Variants in TENM4 observed in about 807,000 individuals in gnomAD.
TENM4 encodes the protein teneurin-4.
TENM4 carries 82 observed loss-of-function variants against 243.3 expected under a neutral mutation model. The observed-to-expected ratio is 0.34, with a 90% CI of 0.28 to 0.40. The LOEUF (loss-of-function observed/expected upper bound fraction) is 0.40, where lower values mean the gene tolerates loss of function less well. TENM4 is among the 10% of genes least tolerant of loss of function. The pLI, the probability that TENM4 is intolerant of heterozygous loss-of-function variation, is 1.00. For synonymous variants in TENM4, 1,412 were observed against 1,456.3 expected (o/e 0.97, Z 0.69); for missense variants, 3,138 against 3,673.3 (o/e 0.85, Z 3.77).
intron 3 of TENM4, among the ~76,000 whole-genome samples, chr11:79,174,468 C>T (rs1863116742): frequency 1.3e-5 from 2 of 152,152 alleles, no homozygotes. Context: ...GATGCCTGTG[C>T]TTACAGCTAC....
chr11:79,083,731 C>T (rs567190389), intron 4 of TENM4, among the ~76,000 whole-genome samples: 1 of 152,314 alleles, frequency 6.6e-6, no homozygotes, highest in African/African-American at 2.4e-5. Flanking sequence ...CCTCCCAAAC[C>T]AAGACCTCTC....
chr11:79,224,143 G>T (rs1296781303), intron 2 of TENM4, among the ~76,000 whole-genome samples: 1 of 152,144 alleles, frequency 6.6e-6, no homozygotes, highest in Non-Finnish European at 1.5e-5. Flanking sequence ...AAGACAGGAT[G>T]AACTCCTTGT....
chr11:79,027,907 T>C (rs1859122844), intron 6 of TENM4, among the ~76,000 whole-genome samples: 1 of 152,184 alleles, frequency 6.6e-6, no homozygotes, highest in Non-Finnish European at 1.5e-5. Context: ...ATGTAGGTAC[T>C]ATGAAGCCCA....
intron 1 of TENM4, among the ~76,000 whole-genome samples, chr11:79,431,650 G>A (rs184036960): frequency 6.6e-6 from 1 of 152,300 alleles, no homozygotes; most frequent in East Asian, 1.9e-4. Context: ...AGTAAGACAA[G>A]TGAAAAATAG....
At chr11:78,960,811 T>G (rs1244332599) in intron 6 of TENM4, among the ~76,000 whole-genome samples, 1 of 152,202 alleles carries the variant, frequency 6.6e-6, no homozygotes, top group Non-Finnish European at 1.5e-5. Flanking sequence ...CATCTGACAT[T>G]TCTTGGAGCA....
intron 30 of TENM4, 101 bp downstream of exon 30, chr11:78,676,051 G>C (rs555313181): frequency 8.8e-7 from 1 of 1,130,170 alleles, no homozygotes; most frequent in Non-Finnish European, 1.2e-6. Flanking sequence ...TTTTGCAGAT[G>C]AGTGAACTGA....
At chr11:79,411,350 A>G (rs1324966436) in intron 1 of TENM4, among the ~76,000 whole-genome samples, 1 of 152,164 alleles carries the variant, frequency 6.6e-6, no homozygotes, top group African/African-American at 2.4e-5. Flanking sequence ...AACTAATACA[A>G]TGCCCTAGGC....
At chr11:79,434,912 A>AT (rs1157136196) in intron 1 of TENM4, among the ~76,000 whole-genome samples, 2 of 151,788 alleles carry the variant, frequency 1.3e-5, no homozygotes, top group Non-Finnish European at 2.9e-5. Flanking sequence ...TGTTATGATA[A>AT]TAAAAAAAAA....
At chr11:78,693,826 C>T (rs987131166) in intron 28 of TENM4, among the ~76,000 whole-genome samples, 1 of 152,114 alleles carries the variant, frequency 6.6e-6, no homozygotes, top group Non-Finnish European at 1.5e-5. Flanking sequence ...CCAGCCTGGC[C>T]AACATGGTGA....
At chr11:79,105,677 C>G (rs1276127082) in intron 4 of TENM4, among the ~76,000 whole-genome samples, 1 of 152,198 alleles carries the variant, frequency 6.6e-6, no homozygotes, top group African/African-American at 2.4e-5. Flanking sequence ...TGTCTTTCCC[C>G]CTTCCCCAAG....
At chr11:78,895,017 T>A (rs1855757637) in intron 7 of TENM4, among the ~76,000 whole-genome samples, 1 of 92,532 alleles carries the variant, frequency 1.1e-5, no homozygotes, top group Non-Finnish European at 2.6e-5. Context: ...AGAAGACAAT[T>A]CTGGCTATTC....
At chr11:78,863,197 T>A in intron 9 of TENM4, 65 bp from the exon 10 acceptor site, 2 of 1,425,846 alleles carry the variant, frequency 1.4e-6, no homozygotes. Context: ...TCCCAAGCCA[T>A]AAGGGAAAGG....
intron 3 of TENM4, among the ~76,000 whole-genome samples, chr11:79,182,223 G>A (rs936702952): frequency 6.6e-6 from 1 of 152,138 alleles, no homozygotes; most frequent in Non-Finnish European, 1.5e-5. Flanking sequence ...AGACAGCATG[G>A]TATTGGAAAA....
intron 2 of TENM4, among the ~76,000 whole-genome samples, chr11:79,256,274 C>T (rs1432301374): frequency 3.3e-5 from 5 of 152,188 alleles, no homozygotes; most frequent in East Asian, 1.9e-4. Flanking sequence ...TGGGGTGCTG[C>T]GCTATCTCAC....
intron 1 of TENM4, among the ~76,000 whole-genome samples, chr11:79,344,204 G>A (rs924545390): frequency 6.6e-6 from 1 of 152,166 alleles, no homozygotes; most frequent in African/African-American, 2.4e-5. Flanking sequence ...TACTGCCCGA[G>A]TCTCCCAATT....
intron 1 of TENM4, among the ~76,000 whole-genome samples, chr11:79,342,672 A>G (rs1857261198): frequency 6.6e-6 from 1 of 152,122 alleles, no homozygotes; most frequent in Non-Finnish European, 1.5e-5. Context: ...ACTTAACTCA[A>G]AGTCATCAGG....
At chr11:78,685,911 C>T (rs555851372) in intron 29 of TENM4, among the ~76,000 whole-genome samples, 166 of 152,316 alleles carry the variant, frequency 1.1e-3, no homozygotes, top group Middle Eastern at 6.8e-3. Flanking sequence ...ATCCACAGTT[C>T]CCAGCTCATA....
In TENM4 at chr11:79,269,596, GCAGGGCTCCTCAGGGCTCCT is replaced by G. The variant is rs1027155956; in HGVS notation, c.-265+27872_-265+27891del. The stretch of plus-strand genomic sequence containing the variant: ...AGGCTGCACCCCTACCTGGGAGAGA[GCAGGGCTCCTCAGGGCTCCT>G]CAGGGCTCCTCAGGGCCCTCGCCTG... On this transcript the variant is annotated intron_variant, in intron 2 of 33. Coordinates refer to ENST00000278550, the MANE Select transcript of TENM4 (RefSeq NM_001098816.3). 1.6e-4 allele frequency: 25 copies of G among 152,506 alleles called. No individual in the cohort carries two copies. In the East Asian group the frequency reaches 2.7e-3, roughly 17 times the overall value. The allele number at this position is 152,506 out of a possible 1,614,324, so 9.4% of individuals were successfully genotyped here. A position where few individuals can be genotyped will look rare whatever the true frequency, so the allele number is the denominator to read the frequency against.
At chr11:78,775,810 C>A (rs576366594) in intron 17 of TENM4, among the ~76,000 whole-genome samples, 1 of 152,272 alleles carries the variant, frequency 6.6e-6, no homozygotes, top group East Asian at 1.9e-4. Context: ...TAGAGAAGGG[C>A]TAACAAAGCT....
Sources: gnomAD v4.1 joint callset for allele counts (sites outside exome capture counted in the v4.1 genomes callset) on GRCh38, gnomAD v4.1.1 for gene constraint, MANE v1.5 for transcripts, NCBI Gene and HGNC (gene_info 2026-07-23, HGNC 2026-07-21) for gene names.